The following BMP5 variants were observed in gnomAD, a reference collection of about 807,000 sequenced individuals.
The protein encoded by BMP5 is bone morphogenetic protein 5.
Under a neutral mutation model 46.6 loss-of-function variants are expected in BMP5, and 23 were observed. That is an observed-to-expected ratio of 0.49 (90% CI 0.35 to 0.70). The LOEUF is 0.70. BMP5 is among the 30% of genes least tolerant of loss of function. The pLI is 0.00. For missense variants in BMP5, 545 were observed against 565.6 expected (o/e 0.96, Z 0.37); for synonymous variants, 204 against 191.9 (o/e 1.06, Z -0.52).
At chr6:55,874,143 C>A (rs1188651271) in intron 1 of BMP5, among the ~76,000 whole-genome samples, 2 of 151,866 alleles carry the variant, frequency 1.3e-5, no homozygotes, top group African/African-American at 4.8e-5. Flanking sequence ...GAAATTTTAA[C>A]AAGATCTGAA....
intron 4 of BMP5, among the ~76,000 whole-genome samples, chr6:55,767,585 A>G (rs1279987017): frequency 7.1e-6 from 1 of 140,538 alleles, no homozygotes; most frequent in African/African-American, 2.8e-5. Context: ...AAATATATAG[A>G]TAGAGAGAGC....
intron 1 of BMP5, among the ~76,000 whole-genome samples, chr6:55,841,376 T>C (rs1776949281): frequency 6.6e-6 from 1 of 152,220 alleles, no homozygotes; most frequent in South Asian, 2.1e-4. Flanking sequence ...ACTGGAGCTA[T>C]GTTTTTCTCC....
intron 3 of BMP5, among the ~76,000 whole-genome samples, chr6:55,776,553 TAAA>T (rs547568598): frequency 2.0e-5 from 3 of 151,776 alleles, no homozygotes; most frequent in Non-Finnish European, 2.9e-5. Context: ...GAGTACAACA[TAAA>T]AAAGTATTTG....
intron 2 of BMP5, among the ~76,000 whole-genome samples, chr6:55,811,264 T>C (rs1776128226): frequency 1.3e-5 from 2 of 152,184 alleles, no homozygotes; most frequent in Admixed American, 1.3e-4. Flanking sequence ...ACAGCTTAAC[T>C]ATATATATCC....
chr6:55,781,144 T>C (rs1181675203), intron 3 of BMP5, among the ~76,000 whole-genome samples: 1 of 152,134 alleles, frequency 6.6e-6, no homozygotes, highest in Non-Finnish European at 1.5e-5. Flanking sequence ...TTTACAGACA[T>C]CATCTGTCAC....
chr6:55,777,863 A>AC (rs111290257), intron 3 of BMP5, among the ~76,000 whole-genome samples: 8,053 of 152,074 alleles, frequency 0.053, 700 homozygotes, highest in African/African-American at 0.18. Context: ...TACTGGGAAG[A>AC]CAAGGTAGCA....
intron 2 of BMP5, among the ~76,000 whole-genome samples, chr6:55,799,918 A>G (rs1775803124): frequency 6.6e-6 from 1 of 152,212 alleles, no homozygotes; most frequent in Admixed American, 6.5e-5. Flanking sequence ...CCACAGTGAA[A>G]CATCACCTTT....
chr6:55,785,159 G>C (rs756960737), intron 3 of BMP5, among the ~76,000 whole-genome samples: 2 of 151,782 alleles, frequency 1.3e-5, no homozygotes, highest in African/African-American at 2.4e-5. Context: ...TAACTATGTA[G>C]AATTTAAAAA....
intron 3 of BMP5, among the ~76,000 whole-genome samples, chr6:55,780,470 A>AAAAGAAAGAAAGAAAG (rs560608478): frequency 1.5e-5 from 2 of 131,738 alleles, no homozygotes; most frequent in South Asian, 2.5e-4. Context: ...AAAAAAAAAA[A>AAAAGAAAGAAAGAAAG]AAAGAAAGAA....
At chr6:55,861,061 A>T (rs938718351) in intron 1 of BMP5, among the ~76,000 whole-genome samples, 6 of 152,304 alleles carry the variant, frequency 3.9e-5, no homozygotes, top group Admixed American at 3.9e-4. Flanking sequence ...TAAATATGGG[A>T]TGTTATTAAA....
intron 1 of BMP5, among the ~76,000 whole-genome samples, chr6:55,821,074 G>C (rs1042882442): frequency 6.6e-6 from 1 of 152,082 alleles, no homozygotes; most frequent in Non-Finnish European, 1.5e-5. Flanking sequence ...ATACATATAT[G>C]AAACTTAGGA....
At chr6:55,823,898 CAA>C (rs1364054203) in intron 1 of BMP5, among the ~76,000 whole-genome samples, 1 of 143,148 alleles carries the variant, frequency 7.0e-6, no homozygotes, top group Non-Finnish European at 1.6e-5. Flanking sequence ...TATGAATAAA[CAA>C]ATGATTATAT....
At chr6:55,800,147 C>CATAGATCAACATCCATCA (rs1775808705) in intron 2 of BMP5, among the ~76,000 whole-genome samples, 2 of 151,972 alleles carry the variant, frequency 1.3e-5, no homozygotes, top group Admixed American at 1.3e-4. Flanking sequence ...ACTTTTCAAA[C>CATAGATCAACATCCATCA]AACATAGATG....
intron 2 of BMP5, among the ~76,000 whole-genome samples, chr6:55,806,375 T>C (rs971544039): frequency 1.3e-5 from 2 of 152,152 alleles, no homozygotes; most frequent in East Asian, 3.9e-4. Flanking sequence ...AATCAGATGG[T>C]TGTAGATGTG....
At chr6:55,811,079 C>T (rs1019097307) in intron 2 of BMP5, among the ~76,000 whole-genome samples, 1 of 152,198 alleles carries the variant, frequency 6.6e-6, no homozygotes, top group African/African-American at 2.4e-5. Context: ...AACATAATCT[C>T]CCATCTGAGT....
chr6:55,861,961 C>A (rs531925094), intron 1 of BMP5, among the ~76,000 whole-genome samples: 1 of 152,334 alleles, frequency 6.6e-6, no homozygotes, highest in South Asian at 2.1e-4. Flanking sequence ...GTCTCAATTT[C>A]TTCATCTATA....
At position 55,828,684 on chromosome 6, in the gene BMP5, G is replaced by T. The variant is rs190997704; in HGVS notation, c.491-8837C>A. ...TTAGAAAAAAATAATTATACTCAAT[G>T]AAAAAAACACTTGAAAAAATAAAGA... On this transcript the variant is annotated intron_variant, in intron 1 of 6. Transcript: ENST00000370830. Among the ~76,000 whole-genome samples, 546 of 151,520 alleles carry T rather than the reference G, an allele frequency of 3.6e-3. 5 individuals carry two copies. Among genetic ancestry groups the T allele is most frequent in the Non-Finnish European group, 1.5e-3 (102 of 67,702 alleles).
chr6:55,820,600 T>C (rs563163190), intron 1 of BMP5, among the ~76,000 whole-genome samples: 2 of 152,094 alleles, frequency 1.3e-5, no homozygotes, highest in South Asian at 4.1e-4. Flanking sequence ...TTATTTTTTG[T>C]AGGGGCAGGG....
At chr6:55,758,372 A>C (rs905667465) in intron 6 of BMP5, among the ~76,000 whole-genome samples, 3 of 151,864 alleles carry the variant, frequency 2.0e-5, no homozygotes, top group African/African-American at 7.2e-5. Flanking sequence ...CATTAGGTAC[A>C]AGGCAATCAG....
Sources: gnomAD v4.1 joint callset for allele counts (sites outside exome capture counted in the v4.1 genomes callset) on GRCh38, gnomAD v4.1.1 for gene constraint, MANE v1.5 for transcripts, NCBI Gene and HGNC (gene_info 2026-07-23, HGNC 2026-07-21) for gene names.